Variants in PNLIP observed in about 807,000 individuals in gnomAD.
The protein encoded by PNLIP is pancreatic lipase, also known as pancreatic triacylglycerol lipase.
In PNLIP, 49 loss-of-function variants were observed where a neutral mutation model predicts 57.1. The ratio of observed to expected loss-of-function variants is 0.86; its 90% CI spans 0.68 to 1.09. PNLIP has a LOEUF of 1.09. Ranked by LOEUF, PNLIP falls within the 50% of genes least tolerant of loss-of-function variation. The probability of loss-of-function intolerance (pLI) is 0.00; values close to 1 mark genes in which losing one functional copy is unlikely to be tolerated. For missense variants in PNLIP, 503 were observed against 570.2 expected (o/e 0.88, Z 1.20); for synonymous variants, 209 against 200.4 (o/e 1.04, Z -0.36).
chr10:116,547,393 A>G lies in PNLIP; in HGVS notation c.146A>G (p.Lys49Arg). The G allele has an allele frequency of 6.2e-7, 1 of 1,614,122 alleles. No individual in the cohort carries two copies. The highest frequency in any genetic ancestry group is 8.5e-7 in the Non-Finnish European group (1 of 1,180,000). ...CTCCATATATTGCCTTGGTCTCCAA[A>G]AGATGTCAACACCCGCTTCCTCCTA... is the stretch of plus-strand genomic sequence containing the variant. ...RPLHILPWSP[K>R]DVNTRFLLYT... Residue 49 changes from lysine to arginine, a missense_variant, in exon 3 of 13, where the codon AAA becomes AGA. Coordinates refer to ENST00000369221, the MANE Select transcript of PNLIP (RefSeq NM_000936.4).
At chr10:116,558,718 G>A (rs1274461189) in intron 9 of PNLIP, among the ~76,000 whole-genome samples, 1 of 151,082 alleles carries the variant, frequency 6.6e-6, no homozygotes. Context: ...TCTGCCTCCT[G>A]GATTCAAGCG....
chr10:116,546,681 C>A (rs1564722993), intron 2 of PNLIP, among the ~76,000 whole-genome samples: 1 of 152,202 alleles, frequency 6.6e-6, no homozygotes, highest in Non-Finnish European at 1.5e-5. Context: ...ACGCAGCCCC[C>A]ACAACAGCTG....
At position 116,557,521 on chromosome 10, in the gene PNLIP, A is replaced by G. The variant is rs371709306; in HGVS notation, c.930+1403A>G. 6.6e-5 allele frequency among the ~76,000 whole-genome samples: 10 copies of G among 152,288 alleles called. No individual in the cohort carries two copies. In the East Asian group the frequency reaches 1.9e-3, roughly 29 times the overall value. ...AGCCTTGCCTGTTTTATTGATGGGCACACTGCTGTATTTAGAGATGACGTC... is the reference window on the plus strand; with the variant it reads ...AGCCTTGCCTGTTTTATTGATGGGCGCACTGCTGTATTTAGAGATGACGTC... On this transcript the variant is annotated intron_variant, in intron 9 of 12. Coordinates refer to ENST00000369221, the MANE Select transcript of PNLIP (RefSeq NM_000936.4).
At position 116,549,304 on chromosome 10, in the gene PNLIP, C is replaced by T. The variant is rs182800432; in HGVS notation, c.324+822C>T. On this transcript the variant is annotated intron_variant, in intron 4 of 12. Coordinates refer to ENST00000369221, the MANE Select transcript of PNLIP (RefSeq NM_000936.4). ...CATACTGGCTAACACGGTGAAACCC[C>T]GTCTCTACTAAAACTATAAAAAAAA... Among the ~76,000 whole-genome samples the T allele has an allele frequency of 1.4e-4, 22 of 151,938 alleles. No homozygotes were observed. The East Asian group carries it at 3.9e-3, about 27-fold the overall frequency.
At chr10:116,566,872 C>CT (rs1291900805) in intron 12 of PNLIP, among the ~76,000 whole-genome samples, 2 of 152,120 alleles carry the variant, frequency 1.3e-5, no homozygotes, top group East Asian at 3.9e-4. Context: ...TTTCTGAGCA[C>CT]TTTTTTTCTG....
intron 4 of PNLIP, among the ~76,000 whole-genome samples, chr10:116,549,577 A>T (rs769385703): frequency 6.6e-6 from 1 of 152,158 alleles, no homozygotes; most frequent in Non-Finnish European, 1.5e-5. Flanking sequence ...CAACTCCAGA[A>T]CCTATCCATT....
At chr10:116,560,702 C>T (rs1013308523) in intron 11 of PNLIP, among the ~76,000 whole-genome samples, 178 bp downstream of exon 11, 13 of 151,618 alleles carry the variant, frequency 8.6e-5, no homozygotes, top group Non-Finnish European at 1.5e-4. Context: ...CTTAGCCTCC[C>T]GAGTAGCTGG....
In PNLIP at chr10:116,559,239, G is replaced by A. The variant is rs1387026848; in HGVS notation, c.1016G>A (p.Gly339Asp). Residue 339 changes from glycine to aspartate, a missense_variant, in exon 10 of 13, where the codon GGC becomes GAC. By Grantham distance (94) the Gly-to-Asp change is moderately conservative. Coordinates refer to ENST00000369221, the MANE Select transcript of PNLIP (RefSeq NM_000936.4). ...DRYPGKTNDV[G>D]QKFYLDTGDA... ...TATCCTGGGAAAACAAATGATGTGG[G>A]CCAGAAATTTTATCTAGACACTGGT... 6.2e-7 allele frequency: 1 copy of A among 1,613,910 alleles called. No homozygotes were observed. Among genetic ancestry groups the A allele is most frequent in the Non-Finnish European group, 8.5e-7 (1 of 1,179,940 alleles).
At position 116,558,356 on chromosome 10, in the gene PNLIP, G is replaced by A. The variant is rs761729853; in HGVS notation, c.931-798G>A. On this transcript the variant is annotated intron_variant, in intron 9 of 12. Coordinates refer to ENST00000369221, the MANE Select transcript of PNLIP (RefSeq NM_000936.4). ...ACTACAGGCGCCCGCCACCATGCCCGGCTAATTTTTTGTATTTTTAGTAGA... is the reference window on the plus strand; with the variant it reads ...ACTACAGGCGCCCGCCACCATGCCCAGCTAATTTTTTGTATTTTTAGTAGA... Among the ~76,000 whole-genome samples the A allele has an allele frequency of 1.7e-3, 263 of 150,538 alleles. 2 individuals are homozygous for A. Among genetic ancestry groups the A allele is most frequent in the Non-Finnish European group, 2.7e-3 (182 of 67,544 alleles).
rs200786882 is a variant in PNLIP at position 116,555,239 on chromosome 10, C to T, written c.633C>T (p.Ser211=). 1.2e-4 allele frequency: 191 copies of T among 1,614,162 alleles called. 1 individual carries two copies. The highest frequency in any genetic ancestry group is 6.0e-4 in the East Asian group (27 of 44,888). The change falls in exon 7 of 13, where the codon AGC becomes AGT. Residue 211 remains serine, a synonymous_variant. Transcript: ENST00000369221. The part of the protein sequence containing the change: ...GTPELVRLDP[S]DAKFVDVIHT... ...CTGAATTAGTCCGATTGGACCCCAG[C>T]GATGCCAAATTTGTGGATGTAATTC...
intron 10 of PNLIP, among the ~76,000 whole-genome samples, chr10:116,560,213 T>C (rs868485970): frequency 6.6e-6 from 1 of 150,972 alleles, no homozygotes; most frequent in African/African-American, 2.4e-5. Context: ...AAAGCCCCTA[T>C]TACCTAATGC....
intron 11 of PNLIP, among the ~76,000 whole-genome samples, 198 bp downstream of exon 11, chr10:116,560,722 C>T (rs563413756): frequency 8.6e-5 from 13 of 151,522 alleles, no homozygotes; most frequent in African/African-American, 2.4e-4. Flanking sequence ...GGATTACAGG[C>T]GCCCACCACC....
chr10:116,560,536 A>G lies in PNLIP; in HGVS notation c.1169+12A>G. The G allele has an allele frequency of 8.4e-7, 1 of 1,195,106 alleles. No individual in the cohort carries two copies. Among genetic ancestry groups the G allele is most frequent in the Non-Finnish European group, 1.2e-6 (1 of 822,458 alleles). 74.0% of individuals were successfully genotyped at this position (1,195,106 alleles called of 1,614,324 possible). On this transcript the variant is annotated intron_variant, in intron 11 of 12. Transcript: ENST00000369221. ...TATGAAATTTTCAAGTGAGTAAAATAATATTGCTCTATGCTTTTTTTTTTT... is the reference window on the plus strand; with the variant it reads ...TATGAAATTTTCAAGTGAGTAAAATGATATTGCTCTATGCTTTTTTTTTTT...
Position 116,555,520 on chromosome 10 carries a change from T to C in PNLIP, c.811+13T>C. 6.2e-7 allele frequency: 1 copy of C among 1,612,966 alleles called. No individual in the cohort carries two copies. Among genetic ancestry groups the C allele is most frequent in the Non-Finnish European group, 8.5e-7 (1 of 1,179,546 alleles). Reference sequence around the variant, plus strand: ...GGAATCTGGGAAGGTAGAACTATTATGTGTAGAAAGAGATCTTCTTGGGAG... The same window carrying C: ...GGAATCTGGGAAGGTAGAACTATTACGTGTAGAAAGAGATCTTCTTGGGAG... On this transcript the variant is annotated intron_variant, in intron 8 of 12. Transcript: ENST00000369221.
At chr10:116,548,759 T>G (rs1452968075) in intron 4 of PNLIP, among the ~76,000 whole-genome samples, 2 of 152,208 alleles carry the variant, frequency 1.3e-5, no homozygotes, top group Non-Finnish European at 2.9e-5. Flanking sequence ...TAGCAACAGA[T>G]GCTGTCATGC....
rs934995295 is a variant in PNLIP, at chr10:116,560,282, C to CACACACAG, written c.1061-127_1061-126insGACACACA. The CACACACAG allele has an allele frequency of 3.0e-5, 13 of 429,842 alleles. No individual in the cohort carries two copies. The African/African-American group carries it at 3.3e-4, about 11-fold the overall frequency. 26.6% of individuals were successfully genotyped at this position (429,842 alleles called of 1,614,324 possible). Reference sequence around the variant, plus strand: ...CACTATTTCATTAGAAAATTACACACACACACACACACACACACACACACA... The same window carrying CACACACAG: ...CACTATTTCATTAGAAAATTACACACACACACAGACACACACACACACACACACACACA... On this transcript the variant is annotated intron_variant, in intron 10 of 12. Coordinates refer to ENST00000369221, the MANE Select transcript of PNLIP (RefSeq NM_000936.4).
At chr10:116,563,839 A>G (rs115633952) in intron 12 of PNLIP, among the ~76,000 whole-genome samples, 1,866 of 152,286 alleles carry the variant, frequency 0.012, 40 homozygotes, top group African/African-American at 0.042. Context: ...GACCTTGAAT[A>G]CATAATAGAA....
intron 10 of PNLIP, among the ~76,000 whole-genome samples, chr10:116,559,575 C>A (rs1260477386): frequency 6.6e-6 from 1 of 152,134 alleles, no homozygotes; most frequent in East Asian, 1.9e-4. Flanking sequence ...TCAAAAGTTT[C>A]ACTGAACAAA....
chr10:116,564,102 C>T (rs1847341330), intron 12 of PNLIP, among the ~76,000 whole-genome samples: 1 of 152,012 alleles, frequency 6.6e-6, no homozygotes, highest in South Asian at 2.1e-4. Context: ...GAAAACAGCA[C>T]AGCACCAATA....
Sources: allele counts gnomAD v4.1 joint callset (sites outside exome capture counted in the v4.1 genomes callset), GRCh38; gene constraint gnomAD v4.1.1; transcripts MANE v1.5; gene names NCBI Gene and HGNC (gene_info 2026-07-23, HGNC 2026-07-21).